The following UBE2H variants were observed in gnomAD, a reference collection of about 807,000 sequenced individuals.
UBE2H encodes the protein ubiquitin-conjugating enzyme E2 H.
A neutral mutation model predicts 29.0 loss-of-function variants in UBE2H; 3 were observed. The ratio of observed to expected loss-of-function variants is 0.10; its 90% confidence interval spans 0.05 to 0.27. The LOEUF is 0.27. Among genes scored for constraint, UBE2H ranks in the 10% least tolerant of loss-of-function variants. UBE2H has a pLI of 1.00. For missense variants in UBE2H, 68 were observed against 228.2 expected, an observed-to-expected ratio of 0.30 and a Z score of 4.52; for synonymous variants, 69 against 82.9, an observed-to-expected ratio of 0.83 and a Z score of 0.91.
At chr7:129,927,534 C>T (rs951172175) in intron 1 of UBE2H, among the ~76,000 whole-genome samples, 2 of 151,602 alleles carry the variant, frequency 1.3e-5, no homozygotes, top group Non-Finnish European at 2.9e-5. Context: ...AGCGAGACTC[C>T]GTCTCAAAAA....
rs1466905261 is a variant in UBE2H at position 129,857,273 on chromosome 7, GT to G, written c.298+237del. The G allele has an allele frequency of 7.4e-6, 4 of 538,102 alleles. No individual in the cohort carries two copies. In the East Asian group the frequency reaches 9.1e-5, roughly 12 times the overall value. The allele number at this position is 538,102 out of a possible 1,614,324, so 33.3% of individuals were successfully genotyped here. Reference sequence around the variant, plus strand: ...CGCATGTACTCATGTGTGTGCACATGTATCACTATACCTTAAGTTTGGAATC... The same window carrying G: ...CGCATGTACTCATGTGTGTGCACATGATCACTATACCTTAAGTTTGGAATC... On this transcript the variant is annotated intron_variant, in intron 5 of 6. Coordinates refer to ENST00000355621, the MANE Select transcript of UBE2H (RefSeq NM_003344.4).
At chr7:129,857,682 T>C in intron 4 of UBE2H, 119 bp from the exon 5 acceptor site, 1 of 1,095,906 alleles carries the variant, frequency 9.1e-7, no homozygotes. Flanking sequence ...AAAAAAAGAA[T>C]CCCAATTGGG....
chr7:129,945,225 A>G (rs1475893398), intron 1 of UBE2H, among the ~76,000 whole-genome samples: 1 of 152,254 alleles, frequency 6.6e-6, no homozygotes, highest in Non-Finnish European at 1.5e-5. Context: ...AAACTTATCA[A>G]AAGTATCACT....
At chr7:129,859,627 C>T (rs1294936266) in intron 3 of UBE2H, among the ~76,000 whole-genome samples, 1 of 152,144 alleles carries the variant, frequency 6.6e-6, no homozygotes, top group African/African-American at 2.4e-5. Context: ...CAAGTACACA[C>T]TTTAATAGCT....
At chr7:129,893,523 AAC>A in intron 1 of UBE2H, among the ~76,000 whole-genome samples, 1 of 152,242 alleles carries the variant, frequency 6.6e-6, no homozygotes, top group South Asian at 2.1e-4. Flanking sequence ...CAACTGCAGA[AAC>A]AGTTTCAGAG....
At chr7:129,932,923 T>TA (rs1360082715) in intron 1 of UBE2H, among the ~76,000 whole-genome samples, 1 of 152,006 alleles carries the variant, frequency 6.6e-6, no homozygotes, top group African/African-American at 2.4e-5. Context: ...TGGGGATCCC[T>TA]AGGGGGCTCC....
chr7:129,873,929 T>C (rs1439708782), intron 3 of UBE2H, among the ~76,000 whole-genome samples: 1 of 152,194 alleles, frequency 6.6e-6, no homozygotes, highest in African/African-American at 2.4e-5. Context: ...AGGGTCCTCC[T>C]CACTGAAAAT....
chr7:129,915,650 AAC>A (rs1807028578), intron 1 of UBE2H, among the ~76,000 whole-genome samples: 1 of 152,230 alleles, frequency 6.6e-6, no homozygotes, highest in Admixed American at 6.5e-5. Flanking sequence ...ACTAGGAAGA[AAC>A]ACTGAAACAG....
chr7:129,834,382 T>C lies in UBE2H; in HGVS notation c.*555A>G, dbSNP rs1363343607. 1 of 152,676 alleles carries C rather than the reference T, an allele frequency of 6.5e-6. No homozygotes were observed. The highest frequency in any genetic ancestry group is 6.5e-5 in the Admixed American group (1 of 15,270). 9.5% of individuals were successfully genotyped at this position (152,676 alleles called of 1,614,324 possible). A position where few individuals can be genotyped will look rare whatever the true frequency, so the allele number is the denominator to read the frequency against. On this transcript the variant is annotated 3_prime_UTR_variant, in exon 7 of 7. Transcript: ENST00000355621. ...TAATACTCTTAATTAGCTCCCTGCT[T>C]TATACTGTAACTCCACAGAAGACAT...
intron 5 of UBE2H, among the ~76,000 whole-genome samples, chr7:129,840,258 T>C (rs1028955332): frequency 6.6e-6 from 1 of 152,080 alleles, no homozygotes; most frequent in African/African-American, 2.4e-5. Flanking sequence ...TGATCATACC[T>C]CACTGCAACT....
chr7:129,895,430 C>A (rs1444868470), intron 1 of UBE2H, among the ~76,000 whole-genome samples: 1 of 152,148 alleles, frequency 6.6e-6, no homozygotes, highest in African/African-American at 2.4e-5. Flanking sequence ...CAAATCACAA[C>A]CTTAAAAATG....
At chr7:129,881,507 G>A (rs1279207871) in intron 1 of UBE2H, among the ~76,000 whole-genome samples, 1 of 152,028 alleles carries the variant, frequency 6.6e-6, no homozygotes, top group Non-Finnish European at 1.5e-5. Flanking sequence ...AATTACCCAG[G>A]CATGGTGATG....
In UBE2H at chr7:129,918,433, A is replaced by G. The variant is rs537888258; in HGVS notation, c.53+34070T>C. Among the ~76,000 whole-genome samples the G allele has an allele frequency of 4.6e-5, 7 of 150,738 alleles. No homozygotes were observed. In the East Asian group the frequency reaches 9.7e-4, roughly 21 times the overall value. On this transcript the variant is annotated intron_variant, in intron 1 of 6. Coordinates refer to ENST00000355621, the MANE Select transcript of UBE2H (RefSeq NM_003344.4). ...GAGTGCAGCAACACAATCAAGACTCACTGCAACCTCTGCCTCCTGGGTTCA... is the reference window on the plus strand; with the variant it reads ...GAGTGCAGCAACACAATCAAGACTCGCTGCAACCTCTGCCTCCTGGGTTCA...
intron 1 of UBE2H, among the ~76,000 whole-genome samples, chr7:129,928,025 TAAA>T (rs71175049): frequency 2.4e-4 from 31 of 128,500 alleles, no homozygotes; most frequent in Middle Eastern, 3.8e-3. Context: ...ATCTCAAAAT[TAAA>T]AAAAAAAAAA....
intron 3 of UBE2H, among the ~76,000 whole-genome samples, chr7:129,866,966 C>CT (rs1805916926): frequency 6.6e-6 from 1 of 152,138 alleles, no homozygotes; most frequent in African/African-American, 2.4e-5. Flanking sequence ...TTAGAATTAG[C>CT]TTAATAAGTT....
intron 1 of UBE2H, among the ~76,000 whole-genome samples, chr7:129,894,533 G>A (rs1048008339): frequency 7.4e-6 from 1 of 136,014 alleles, no homozygotes; most frequent in African/African-American, 2.8e-5. Flanking sequence ...TGTTGCCCAA[G>A]CTGGAGTGCA....
At chr7:129,871,908 G>A (rs1165987984) in intron 3 of UBE2H, among the ~76,000 whole-genome samples, 2 of 151,862 alleles carry the variant, frequency 1.3e-5, no homozygotes, top group African/African-American at 4.8e-5. Context: ...GTGTAGCAGC[G>A]CCATCTCAGC....
rs1005491367 is a variant in UBE2H at position 129,952,886 on chromosome 7, T to C, written c.-331A>G. ...GCTCGCCTGCTCCCCACTCACCCTC[T>C]GACCGGCTCCTAGCAGCCTCCACTA... On this transcript the variant is annotated 5_prime_UTR_variant, in exon 1 of 7. Coordinates refer to ENST00000355621, the MANE Select transcript of UBE2H (RefSeq NM_003344.4). The C allele has an allele frequency of 5.0e-6, 1 of 198,434 alleles. No individual in the cohort carries two copies. Among genetic ancestry groups the C allele is most frequent in the Admixed American group, 6.1e-5 (1 of 16,424 alleles). 12.3% of individuals were successfully genotyped at this position (198,434 alleles called of 1,614,324 possible). A position where few individuals can be genotyped will look rare whatever the true frequency, so the allele number is the denominator to read the frequency against.
chr7:129,933,671 G>A (rs1807454112), intron 1 of UBE2H, among the ~76,000 whole-genome samples: 1 of 152,198 alleles, frequency 6.6e-6, no homozygotes, highest in Non-Finnish European at 1.5e-5. Flanking sequence ...CCCATCATTG[G>A]AGGAAGATTC....
Sources: allele counts gnomAD v4.1 joint callset (sites outside exome capture counted in the v4.1 genomes callset), GRCh38; gene constraint gnomAD v4.1.1; transcripts MANE v1.5; gene names NCBI Gene and HGNC (gene_info 2026-07-23, HGNC 2026-07-21).